The following ANO1 variants were observed in gnomAD, a reference collection of about 807,000 sequenced individuals.
ANO1 encodes anoctamin 1, also known as anoctamin-1.
ANO1 carries 59 observed loss-of-function variants against 124.0 expected under a neutral mutation model. The observed-to-expected ratio is 0.48, with a 90% confidence interval of 0.39 to 0.59. ANO1 has a LOEUF of 0.59. Ranked by LOEUF, ANO1 falls within the 20% of genes least tolerant of loss-of-function variation. The pLI is 0.00. For missense variants in ANO1, 1,059 were observed against 1,328.0 expected, an observed-to-expected ratio of 0.80 and a Z score of 3.15; for synonymous variants, 529 against 532.0, an observed-to-expected ratio of 0.99 and a Z score of 0.08.
At chr11:69,998,809 G>A (rs1019448353) in intron 1 of ANO1, among the ~76,000 whole-genome samples, 4 of 152,060 alleles carry the variant, frequency 2.6e-5, no homozygotes, top group Non-Finnish European at 5.9e-5. Flanking sequence ...TTGGCTGGGC[G>A]TGGTGTCAGG....
Position 70,155,939 on chromosome 11 carries a change from C to T in ANO1, c.1454C>T (p.Thr485Ile), listed in dbSNP as rs1318544909. ...EKRRHIPEES[T>I]NKWKQRVKTA... ...CGCCGGCATATTCCAGAGGAGTCAA[C>T]AAACAAATGGAAGCAGAGGGTTAAG... The change falls in exon 15 of 26, where the codon ACA becomes ATA. Residue 485 changes from threonine (T) to isoleucine (I), a missense_variant. Thr to Ile is a moderately conservative substitution (Grantham distance 89). Coordinates refer to ENST00000355303, the MANE Select transcript of ANO1 (RefSeq NM_018043.7). The T allele has an allele frequency of 6.5e-7, 1 of 1,541,712 alleles. No individual in the cohort carries two copies. The highest frequency in any genetic ancestry group is 1.4e-5 in the African/African-American group (1 of 72,156).
intron 1 of ANO1, among the ~76,000 whole-genome samples, chr11:70,023,831 G>T (rs1200198768): frequency 1.3e-5 from 2 of 152,204 alleles, no homozygotes; most frequent in African/African-American, 2.4e-5. Flanking sequence ...AAAGAGTGGT[G>T]AGAAGAGGAT....
Position 70,131,978 on chromosome 11 carries a change from G to T in ANO1, c.1157G>T (p.Cys386Phe). The T allele has an allele frequency of 6.2e-7, 1 of 1,610,528 alleles. No individual in the cohort carries two copies. Among genetic ancestry groups the T allele is most frequent in the Non-Finnish European group, 8.5e-7 (1 of 1,179,684 alleles). Residue 386 changes from cysteine (C) to phenylalanine (F), a missense_variant, in exon 11 of 26, where the codon TGC becomes TTC. By Grantham distance (205) the Cys-to-Phe change is radical (BLOSUM62 -2). Transcript: ENST00000355303. The stretch of plus-strand genomic sequence containing the variant: ...ATGTGCCCGCTTTGCGACAAGACCT[G>T]CAGCTACTGGAAGATGAGCTCAGCC... ...ITMCPLCDKT[C>F]SYWKMSSACA... is the part of the protein sequence containing the mutation.
At chr11:70,116,999 C>A (rs1229666169) in intron 8 of ANO1, among the ~76,000 whole-genome samples, 3 of 152,100 alleles carry the variant, frequency 2.0e-5, no homozygotes, top group Non-Finnish European at 4.4e-5. Flanking sequence ...ATTTACCTGA[C>A]CTGGAACCCT....
chr11:70,088,012 C>A lies in ANO1; in HGVS notation c.369C>A (p.Asp123Glu). The A allele has an allele frequency of 6.5e-7, 1 of 1,540,182 alleles. No individual in the cohort carries two copies. The highest frequency in any genetic ancestry group is 2.4e-5 in the East Asian group (1 of 42,332). ...CCCCGATGGACTACCACGAGGATGA[C>A]AAGCGCTTCCGCAGGGAGGAGTACG... ...GEPPMDYHED[D>E]KRFRREEYEG... Residue 123 changes from aspartate to glutamate, a missense_variant, in exon 2 of 26, where the codon GAC becomes GAA. Around this residue, in one of 2 missense-constraint regions of ANO1, gnomAD observed 250 missense variants for 233.1 expected, o/e 1.07. Transcript: ENST00000355303.
intron 18 of ANO1, among the ~76,000 whole-genome samples, chr11:70,162,251 G>A (rs767649242): frequency 2.7e-5 from 4 of 150,566 alleles, no homozygotes; most frequent in Admixed American, 6.6e-5. Flanking sequence ...GTGAGGACCC[G>A]GGAGTGAGGG....
intron 1 of ANO1, among the ~76,000 whole-genome samples, chr11:70,086,376 T>C (rs967712910): frequency 7.9e-5 from 12 of 152,220 alleles, no homozygotes; most frequent in African/African-American, 2.4e-4. Flanking sequence ...TGGGAATATC[T>C]GGTTTTTAAA....
chr11:69,982,076 C>T (rs532045939), upstream of ANO1, among the ~76,000 whole-genome samples: 10 of 152,124 alleles, frequency 6.6e-5, no homozygotes, highest in South Asian at 2.1e-4. Flanking sequence ...CTGTACTCTG[C>T]GGGAATGGGA....
intron 19 of ANO1, 48 bp from the exon 20 acceptor site, chr11:70,165,422 C>T (rs779403665): frequency 1.4e-5 from 21 of 1,514,072 alleles, no homozygotes; most frequent in Non-Finnish European, 1.8e-5. Context: ...GCTGGGGTCC[C>T]TCTCTCGGTG....
chr11:70,024,918 A>G (rs1555003009), intron 1 of ANO1, among the ~76,000 whole-genome samples: 1 of 152,230 alleles, frequency 6.6e-6, no homozygotes, highest in East Asian at 1.9e-4. Context: ...CTCCAAGGGC[A>G]GCAGGGAAGC....
At chr11:70,000,008 G>A (rs897748005) in intron 1 of ANO1, among the ~76,000 whole-genome samples, 5 of 152,160 alleles carry the variant, frequency 3.3e-5, no homozygotes, top group South Asian at 2.1e-4. Flanking sequence ...TCTGAGCCAG[G>A]TGTAACCAAA....
At chr11:70,104,578 G>A (rs1347136457) in intron 4 of ANO1, among the ~76,000 whole-genome samples, 1 of 152,202 alleles carries the variant, frequency 6.6e-6, no homozygotes, top group East Asian at 1.9e-4. Context: ...GGAGGCCTGA[G>A]GCCCCAGGGA....
intron 1 of ANO1, among the ~76,000 whole-genome samples, chr11:69,992,450 A>G (rs1394175725): frequency 6.6e-6 from 1 of 152,202 alleles, no homozygotes; most frequent in Non-Finnish European, 1.5e-5. Context: ...AGGAACTCAA[A>G]GAGCAAGGAA....
intron 1 of ANO1, among the ~76,000 whole-genome samples, chr11:69,986,951 T>G (rs1554996934): frequency 1.3e-5 from 2 of 152,160 alleles, no homozygotes; most frequent in Non-Finnish European, 2.9e-5. Flanking sequence ...GGCAGTGCCC[T>G]GCAATCAGGA....
intron 18 of ANO1, 86 bp downstream of exon 18, chr11:70,161,819 G>A: frequency 7.3e-7 from 1 of 1,361,428 alleles, no homozygotes; most frequent in Non-Finnish European, 1.0e-6. Context: ...GGGGCACCTG[G>A]AGCCCAGGGC....
At chr11:70,036,518 G>C (rs1257355918) in intron 1 of ANO1, among the ~76,000 whole-genome samples, 3 of 152,166 alleles carry the variant, frequency 2.0e-5, no homozygotes, top group African/African-American at 7.2e-5. Flanking sequence ...CTTCCTCCTT[G>C]ACAATAAAGA....
chr11:70,048,908 A>G (rs11602012), intron 1 of ANO1, among the ~76,000 whole-genome samples: 35,183 of 151,994 alleles, frequency 0.23, 4,808 homozygotes, highest in South Asian at 0.33. Flanking sequence ...CAGTGGAAAC[A>G]GGTTCTTCTT....
At chr11:70,013,642 A>G (rs535227889) in intron 1 of ANO1, among the ~76,000 whole-genome samples, 1 of 151,854 alleles carries the variant, frequency 6.6e-6, no homozygotes, top group Admixed American at 6.6e-5. Flanking sequence ...AAAACAAAAC[A>G]AAACAAAAAA....
chr11:70,107,490 C>CGGGGGGGGGGGGGGGGG (rs1432604573), intron 5 of ANO1, among the ~76,000 whole-genome samples: 1 of 64,474 alleles, frequency 1.6e-5, no homozygotes, highest in African/African-American at 6.2e-5. Context: ...CCAGTGGAGG[C>CGGGGGGGGGGGGGGGGG]GGCGGGGCGG....
Sources: gnomAD v4.1 joint callset for allele counts (sites outside exome capture counted in the v4.1 genomes callset) on GRCh38, gnomAD v4.1.1 for gene constraint, gnomAD v4.1.1 regional missense constraint, MANE v1.5 for transcripts, NCBI Gene and HGNC (gene_info 2026-07-23, HGNC 2026-07-21) for gene names.